Variants in TYRP1 observed in about 807,000 individuals in gnomAD.
TYRP1 encodes 5,6-dihydroxyindole-2-carboxylic acid oxidase.
A neutral mutation model predicts 42.8 loss-of-function variants in TYRP1; 49 were observed. The observed-to-expected ratio is 1.14, with a 90% CI of 0.91 to 1.45. TYRP1 has a LOEUF of 1.45. Among genes scored for constraint, TYRP1 ranks in the 40% most tolerant of loss-of-function variants. The probability of loss-of-function intolerance (pLI) is 0.00; values close to 1 mark genes in which losing one functional copy is unlikely to be tolerated. For missense variants in TYRP1, 848 were observed against 662.0 expected (o/e 1.28, Z -3.08); for synonymous variants, 279 against 235.4 (o/e 1.19, Z -1.69).
In TYRP1 at chr9:12,704,503, T is replaced by G. The variant is rs1463762652; in HGVS notation, c.1082-23T>G. The G allele has an allele frequency of 3.7e-6, 6 of 1,606,338 alleles. No homozygotes were observed. In the Admixed American group the frequency reaches 1.0e-4, roughly 27 times the overall value. On this transcript the variant is annotated intron_variant, in intron 5 of 7. Coordinates refer to ENST00000388918, the MANE Select transcript of TYRP1 (RefSeq NM_000550.3). ...GAAATATTTGCAATAGTTTTACTATTCTCCTCCTTACCATGTGTCTAGGTT... is the reference window on the plus strand; with the variant it reads ...GAAATATTTGCAATAGTTTTACTATGCTCCTCCTTACCATGTGTCTAGGTT...
In TYRP1 at chr9:12,698,456, G is replaced by GT. The variant is rs1818111993; in HGVS notation, c.716dup (p.Leu239PhefsTer21). The GT allele has an allele frequency of 6.2e-7, 1 of 1,613,418 alleles. No individual in the cohort carries two copies. ...ATGTGGTTTCTGTGATCTAGGAAAT[G>GT]TTGCAAGAGCCTTCTTTCTCCCTTC... On this transcript the variant is annotated frameshift_variant, in exon 4 of 8. Transcript: ENST00000388918. LOFTEE classifies it high-confidence loss of function.
rs937158374 is a variant in TYRP1 at position 12,693,968 on chromosome 9, C to T, written c.-29C>T. On this transcript the variant is annotated 5_prime_UTR_variant, in exon 2 of 8. Transcript: ENST00000388918. ...CTACACAAAGAGCTGCAAACCAGGT[C>T]TTTGTTTTGCACTCTTATTTCAAGC... 1 of 1,613,010 alleles carries T rather than the reference C, an allele frequency of 6.2e-7. No homozygotes were observed.
At chr9:12,704,823 T>C (rs1586845884) in intron 6 of TYRP1, 118 bp downstream of exon 6, 3 of 984,822 alleles carry the variant, frequency 3.0e-6, no homozygotes, top group Non-Finnish European at 4.8e-6. Flanking sequence ...AAGGATAGCA[T>C]AGCTGTAATA....
At chr9:12,698,380 A>G in intron 3 of TYRP1, 71 bp from the exon 4 acceptor site, 1 of 1,431,874 alleles carries the variant, frequency 7.0e-7, no homozygotes, top group Non-Finnish European at 9.8e-7. Context: ...AGACTGTCAG[A>G]GAGTAGACCA....
chr9:12,706,090 G>A (rs912864882), intron 6 of TYRP1, among the ~76,000 whole-genome samples: 8 of 151,940 alleles, frequency 5.3e-5, no homozygotes, highest in Non-Finnish European at 1.0e-4. Flanking sequence ...TTACAGTCAT[G>A]ATGACCACTT....
Position 12,704,630 on chromosome 9 carries a change from A to G in TYRP1, c.1186A>G (p.Asn396Asp), listed in dbSNP as rs765833423. 2.5e-6 allele frequency: 4 copies of G among 1,613,176 alleles called. No individual in the cohort carries two copies. The South Asian group carries it at 4.4e-5, about 18-fold the overall frequency. Residue 396 changes from asparagine (N) to aspartate (D), a missense_variant, in exon 6 of 8, where the codon AAT becomes GAT. Physicochemically the swap from Asn to Asp is conservative, Grantham distance 23. Transcript: ENST00000388918. ...GTGGQTHLSP[N>D]DPIFVLLHTF... ...AGGGGGACAAACCCATTTGTCTCCA[A>G]ATGATCCTATTTTTGTCCTCCTGCA... is the stretch of plus-strand genomic sequence containing the variant.
rs770557866 is a variant in TYRP1 at position 12,707,979 on chromosome 9, G to A, written c.1262-18G>A. 11 of 1,602,222 alleles carry A rather than the reference G, an allele frequency of 6.9e-6. No individual in the cohort carries two copies. The African/African-American group carries it at 9.4e-5, about 14-fold the overall frequency. On this transcript the variant is annotated intron_variant, in intron 6 of 7. Transcript: ENST00000388918. ...ATTTTATTATGTTTATTAATACGTT[G>A]TCTTTGGAATAATTTAGATATATCC...
At chr9:12,693,805 G>A in intron 1 of TYRP1, 107 bp from the exon 2 acceptor site, 1 of 644,538 alleles carries the variant, frequency 1.6e-6, no homozygotes, top group Non-Finnish European at 2.6e-6. Flanking sequence ...TGTGTGAAAT[G>A]TCATTTTACA....
Position 12,709,998 on chromosome 9 carries a change from T to G in TYRP1, c.*816T>G, listed in dbSNP as rs1178793656. On this transcript the variant is annotated 3_prime_UTR_variant, in exon 8 of 8. Coordinates refer to ENST00000388918, the MANE Select transcript of TYRP1 (RefSeq NM_000550.3). ...AACATGTTTTATACTGCTCTATAAA[T>G]AGTATTCCAATCACTGTGCTTAATT... is the stretch of plus-strand genomic sequence containing the variant. 2.0e-5 allele frequency: 3 copies of G among 151,874 alleles called. No individual in the cohort carries two copies. Among genetic ancestry groups the G allele is most frequent in the Admixed American group, 6.6e-5 (1 of 15,174 alleles). The allele number at this position is 151,874 out of a possible 1,614,324, so 9.4% of individuals were successfully genotyped here.
intron 6 of TYRP1, among the ~76,000 whole-genome samples, chr9:12,705,379 G>A (rs1818241444): frequency 6.6e-6 from 1 of 151,918 alleles, no homozygotes; most frequent in Non-Finnish European, 1.5e-5. Flanking sequence ...TTTGGCTTTT[G>A]TGCCTTTAGC....
intron 4 of TYRP1, 113 bp from the exon 5 acceptor site, chr9:12,702,158 T>A: frequency 8.6e-7 from 1 of 1,156,760 alleles, no homozygotes; most frequent in Non-Finnish European, 1.2e-6. Flanking sequence ...AATTTTCTTT[T>A]CTACCAAGGA....
intron 5 of TYRP1, 85 bp from the exon 6 acceptor site, chr9:12,704,441 G>T: frequency 6.7e-7 from 1 of 1,486,580 alleles, no homozygotes; most frequent in Non-Finnish European, 9.2e-7. Context: ...TGAAAAAATT[G>T]TTTCCCAATA....
intron 7 of TYRP1, among the ~76,000 whole-genome samples, 173 bp downstream of exon 7, chr9:12,708,316 A>G (rs966584519): frequency 3.9e-5 from 6 of 151,974 alleles, no homozygotes; most frequent in Non-Finnish European, 8.8e-5. Context: ...TTGAGAGTCC[A>G]CACTAAGCTG....
In TYRP1 at chr9:12,703,883, A is replaced by ATGTGTGTGTGTG. The variant is rs58360847; in HGVS notation, c.1082-627_1082-616dup. 1.8e-3 allele frequency among the ~76,000 whole-genome samples: 256 copies of ATGTGTGTGTGTG among 143,510 alleles called. 1 individual carries two copies. The highest frequency in any genetic ancestry group is 5.5e-3 in the South Asian group (25 of 4,532). 94.1% of individuals were successfully genotyped at this position (143,510 alleles called of 152,430 possible). On this transcript the variant is annotated intron_variant, in intron 5 of 7. Coordinates refer to ENST00000388918, the MANE Select transcript of TYRP1 (RefSeq NM_000550.3). ...CCTTATATATGGAATATATATATATATGTGTGTGTGTGTGTGTGTGTGTGT... is the reference window on the plus strand; with the variant it reads ...CCTTATATATGGAATATATATATATATGTGTGTGTGTGTGTGTGTGTGTGTGTGTGTGTGTGT...
At chr9:12,701,897 A>T (rs2762463) in intron 4 of TYRP1, 99,880 of 192,970 alleles carry the variant, frequency 0.52, 30,185 homozygotes, top group Non-Finnish European at 0.68. Context: ...ATGTGACATA[A>T]AGATTTTAGT....
chr9:12,708,244 T>G lies in TYRP1; in HGVS notation c.1408+101T>G, dbSNP rs906535718. The G allele has an allele frequency of 1.0e-5, 15 of 1,432,248 alleles. No individual in the cohort carries two copies. The Admixed American group carries it at 1.7e-4, about 16-fold the overall frequency. 88.7% of individuals were successfully genotyped at this position (1,432,248 alleles called of 1,614,324 possible). A position where few individuals can be genotyped will look rare whatever the true frequency, so the allele number is the denominator to read the frequency against. On this transcript the variant is annotated intron_variant, in intron 7 of 7. Coordinates refer to ENST00000388918, the MANE Select transcript of TYRP1 (RefSeq NM_000550.3). ...GGTATTCTGAAGCTATGTTTTCCATTTGGACTTGGAAACTTTCATTTGTAC... is the reference window on the plus strand; with the variant it reads ...GGTATTCTGAAGCTATGTTTTCCATGTGGACTTGGAAACTTTCATTTGTAC...
At position 12,695,593 on chromosome 9, in the gene TYRP1, C is replaced by T. The variant is rs1818063233; in HGVS notation, c.464C>T (p.Thr155Ile). 1 of 1,614,164 alleles carries T rather than the reference C, an allele frequency of 6.2e-7. No homozygotes were observed. ...GCCCTGGATATGGCAAAGCGCACAA[C>T]TCACCCTTTATTTGTCATTGCCACC... is the stretch of plus-strand genomic sequence containing the variant. ...VRALDMAKRT[T>I]HPLFVIATRR... The change falls in exon 3 of 8, where the codon ACT (threonine) becomes ATT (isoleucine). Residue 155 changes from threonine to isoleucine, a missense_variant. Physicochemically the swap from Thr to Ile is moderately conservative, Grantham distance 89. Coordinates refer to ENST00000388918, the MANE Select transcript of TYRP1 (RefSeq NM_000550.3).
chr9:12,694,419 G>A, intron 2 of TYRP1, 38 bp downstream of exon 2: 1 of 1,609,800 alleles, frequency 6.2e-7, no homozygotes, highest in East Asian at 2.2e-5. Flanking sequence ...AGTCCTGCAT[G>A]AGACTCAAGG....
intron 4 of TYRP1, among the ~76,000 whole-genome samples, chr9:12,700,980 G>A (rs1397896244): frequency 1.3e-5 from 2 of 152,018 alleles, no homozygotes; most frequent in African/African-American, 4.8e-5. Flanking sequence ...TAGAACATGG[G>A]AGGCTTTCTG....
Sources: gnomAD v4.1 joint callset for allele counts (sites outside exome capture counted in the v4.1 genomes callset) on GRCh38, gnomAD v4.1.1 for gene constraint, MANE v1.5 for transcripts, NCBI Gene and HGNC (gene_info 2026-07-23, HGNC 2026-07-21) for gene names.